SPATA16: variants seen among roughly 807,000 people sequenced by gnomAD.
SPATA16 encodes the protein spermatogenesis associated 16.
In SPATA16, 36 loss-of-function variants were observed where a neutral mutation model predicts 63.3. The ratio of observed to expected loss-of-function variants is 0.57; its 90% CI spans 0.44 to 0.75. The LOEUF (loss-of-function observed/expected upper bound fraction) is 0.75, where lower values mean the gene tolerates loss of function less well. Among genes scored for constraint, SPATA16 ranks in the 30% least tolerant of loss-of-function variants. SPATA16 has a pLI of 0.00. For missense variants in SPATA16, 646 were observed against 679.3 expected, an observed-to-expected ratio of 0.95 and a Z score of 0.54; for synonymous variants, 203 against 216.7, an observed-to-expected ratio of 0.94 and a Z score of 0.56.
chr3:172,895,835 G>A (rs1231759463), intron 10 of SPATA16, among the ~76,000 whole-genome samples: 1 of 151,970 alleles, frequency 6.6e-6, no homozygotes, highest in Non-Finnish European at 1.5e-5. Context: ...TTCCAGTTTG[G>A]GGTTATTGTA....
chr3:173,004,258 A>C (rs1734890721), intron 4 of SPATA16, among the ~76,000 whole-genome samples: 1 of 152,196 alleles, frequency 6.6e-6, no homozygotes, highest in Non-Finnish European at 1.5e-5. Context: ...GAAATGAAGG[A>C]AAGGAAAGAA....
rs530094750 is a variant in SPATA16 at position 173,120,087 on chromosome 3, C to CAA, written c.-18-2340_-18-2339dup. On this transcript the variant is annotated intron_variant, in intron 1 of 10. Transcript: ENST00000351008. ...AGGCAACAAGAGCGAAACTCCATCT[C>CAA]AAAAAAAAAAAAAAGAGAGAGAAAA... is the stretch of plus-strand genomic sequence containing the variant. Among the ~76,000 whole-genome samples, 197 of 122,712 alleles carry CAA rather than the reference C, an allele frequency of 1.6e-3. 1 individual carries two copies. Among genetic ancestry groups the CAA allele is most frequent in the African/African-American group, 5.0e-3 (181 of 36,006 alleles). The allele number at this position is 122,712 out of a possible 152,430, so 80.5% of individuals were successfully genotyped here. A position where few individuals can be genotyped will look rare whatever the true frequency, so the allele number is the denominator to read the frequency against.
intron 6 of SPATA16, among the ~76,000 whole-genome samples, chr3:172,948,261 C>T (rs75785429): frequency 0.087 from 13,223 of 152,034 alleles, 1,905 homozygotes; most frequent in African/African-American, 0.3. Context: ...ATGCAAAAGA[C>T]CTCCGATACG....
intron 4 of SPATA16, among the ~76,000 whole-genome samples, chr3:172,999,231 G>A (rs1048841130): frequency 5.9e-5 from 9 of 152,104 alleles, no homozygotes; most frequent in African/African-American, 2.2e-4. Context: ...ATACATATAG[G>A]CCTATTCAGA....
intron 4 of SPATA16, among the ~76,000 whole-genome samples, chr3:173,011,830 C>G (rs1342515446): frequency 6.6e-6 from 1 of 152,098 alleles, no homozygotes; most frequent in East Asian, 1.9e-4. Context: ...GAGACAGGGT[C>G]TCACTAGGAG....
intron 6 of SPATA16, among the ~76,000 whole-genome samples, chr3:172,929,019 C>G (rs554583100): frequency 5.9e-5 from 9 of 152,270 alleles, no homozygotes; most frequent in African/African-American, 2.2e-4. Context: ...TCATAAACCT[C>G]TACCTGTGTC....
chr3:173,101,598 A>G (rs1020505023), intron 2 of SPATA16, among the ~76,000 whole-genome samples: 1 of 152,172 alleles, frequency 6.6e-6, no homozygotes, highest in Non-Finnish European at 1.5e-5. Context: ...GATTATCGTC[A>G]TCTTTGCTCT....
intron 2 of SPATA16, among the ~76,000 whole-genome samples, chr3:173,102,647 C>T (rs751136054): frequency 6.6e-6 from 1 of 152,196 alleles, no homozygotes; most frequent in Non-Finnish European, 1.5e-5. Context: ...ACACCTCCCC[C>T]CAGGCCCCAC....
chr3:172,950,605 GA>G (rs1231978078), intron 6 of SPATA16, among the ~76,000 whole-genome samples: 2 of 151,980 alleles, frequency 1.3e-5, no homozygotes, highest in African/African-American at 4.8e-5. Flanking sequence ...ATTTAAAGAA[GA>G]AAGAATAAAA....
intron 1 of SPATA16, among the ~76,000 whole-genome samples, chr3:173,134,116 G>A (rs1738463921): frequency 6.6e-6 from 1 of 152,148 alleles, no homozygotes; most frequent in Non-Finnish European, 1.5e-5. Context: ...TTTGATGCAA[G>A]GATAAATTAC....
chr3:173,016,032 G>A (rs1005938934), intron 4 of SPATA16, among the ~76,000 whole-genome samples: 9 of 152,284 alleles, frequency 5.9e-5, no homozygotes, highest in African/African-American at 2.2e-4. Flanking sequence ...GCTTCACAAG[G>A]TGGCTTGTTC....
intron 1 of SPATA16, among the ~76,000 whole-genome samples, chr3:173,126,197 C>A (rs1292126960): frequency 6.6e-6 from 1 of 152,118 alleles, no homozygotes; most frequent in Admixed American, 6.6e-5. Flanking sequence ...AGAACCAGAA[C>A]CTTCAGAAAA....
intron 4 of SPATA16, among the ~76,000 whole-genome samples, chr3:172,984,714 G>T (rs1306841314): frequency 6.6e-6 from 1 of 152,136 alleles, no homozygotes; most frequent in Non-Finnish European, 1.5e-5. Context: ...CCATGCTCCT[G>T]CAAGACTATC....
At chr3:172,944,191 A>G (rs1239593126) in intron 6 of SPATA16, among the ~76,000 whole-genome samples, 1 of 152,248 alleles carries the variant, frequency 6.6e-6, no homozygotes, top group African/African-American at 2.4e-5. Context: ...CAATTAAAAA[A>G]TTGGGAAAGG....
At chr3:173,035,464 A>G (rs1227766641) in intron 3 of SPATA16, among the ~76,000 whole-genome samples, 1 of 152,132 alleles carries the variant, frequency 6.6e-6, no homozygotes, top group Non-Finnish European at 1.5e-5. Flanking sequence ...ATGGTAAGCC[A>G]TATTAACAAC....
chr3:173,081,372 A>G (rs1736918505), intron 2 of SPATA16, among the ~76,000 whole-genome samples: 1 of 152,198 alleles, frequency 6.6e-6, no homozygotes, highest in African/African-American at 2.4e-5. Flanking sequence ...GGGGAATGCT[A>G]CTTGCCTCCA....
At chr3:172,913,303 GA>G (rs1316495344) in intron 10 of SPATA16, among the ~76,000 whole-genome samples, 1 of 152,060 alleles carries the variant, frequency 6.6e-6, no homozygotes, top group East Asian at 1.9e-4. Flanking sequence ...TTCCTCAAGT[GA>G]AAAAAGTGGA....
intron 3 of SPATA16, among the ~76,000 whole-genome samples, chr3:173,040,260 AT>A (rs1735809178): frequency 6.6e-6 from 1 of 152,044 alleles, no homozygotes; most frequent in Non-Finnish European, 1.5e-5. Context: ...ATATAGCTAT[AT>A]TTAATTATTT....
intron 6 of SPATA16, among the ~76,000 whole-genome samples, chr3:172,928,057 G>A (rs555892637): frequency 3.3e-5 from 5 of 151,976 alleles, no homozygotes; most frequent in Non-Finnish European, 5.9e-5. Context: ...TTACAGGCAC[G>A]CGCCACCACA....
Sources: gnomAD v4.1 joint callset for allele counts (sites outside exome capture counted in the v4.1 genomes callset) on GRCh38, gnomAD v4.1.1 for gene constraint, MANE v1.5 for transcripts, NCBI Gene and HGNC (gene_info 2026-07-23, HGNC 2026-07-21) for gene names.